TTC6: variants seen among roughly 807,000 people sequenced by gnomAD.
The protein encoded by TTC6 is tetratricopeptide repeat protein 6.
A neutral mutation model predicts 210.4 loss-of-function variants in TTC6; 172 were observed. The observed-to-expected ratio is 0.82, with a 90% CI of 0.72 to 0.93. The LOEUF (loss-of-function observed/expected upper bound fraction) is 0.93. TTC6 is among the 40% of genes least tolerant of loss of function. The pLI, the probability that TTC6 is intolerant of heterozygous loss-of-function variation, is 0.00. For missense variants in TTC6, 2,414 were observed against 2,318.1 expected (o/e 1.04, Z -0.85); for synonymous variants, 804 against 819.6 (o/e 0.98, Z 0.32).
chr14:37,780,170 A>G (rs2096050281), intron 14 of TTC6, among the ~76,000 whole-genome samples: 2 of 152,270 alleles, frequency 1.3e-5, no homozygotes, highest in Admixed American at 1.3e-4. Flanking sequence ...ATTTTTTAGC[A>G]GTGAATACTA....
At chr14:37,632,391 T>A (rs1241440231) in intron 1 of TTC6, among the ~76,000 whole-genome samples, 1 of 152,218 alleles carries the variant, frequency 6.6e-6, no homozygotes, top group African/African-American at 2.4e-5. Flanking sequence ...GCAGGTCTGC[T>A]GGAGTTTGCT....
At chr14:37,664,989 CA>C (rs2095744993) in intron 1 of TTC6, among the ~76,000 whole-genome samples, 1 of 150,318 alleles carries the variant, frequency 6.7e-6, no homozygotes, top group Admixed American at 6.6e-5. Context: ...ATTAAAAAGT[CA>C]AAAAACAACA....
chr14:37,727,579 C>T (rs889471379), intron 7 of TTC6, among the ~76,000 whole-genome samples: 4 of 151,918 alleles, frequency 2.6e-5, no homozygotes, highest in Non-Finnish European at 5.9e-5. Flanking sequence ...AGGTGTGAGC[C>T]ACCACGCCCA....
chr14:37,624,142 A>G (rs1167457556), intron 1 of TTC6, among the ~76,000 whole-genome samples: 1 of 152,240 alleles, frequency 6.6e-6, no homozygotes, highest in African/African-American at 2.4e-5. Flanking sequence ...AAAAACAGGT[A>G]TGAACAAGAG....
chr14:37,657,863 G>C (rs1278420569), intron 1 of TTC6, among the ~76,000 whole-genome samples: 1 of 152,014 alleles, frequency 6.6e-6, no homozygotes, highest in Non-Finnish European at 1.5e-5. Context: ...GATTTTTTTT[G>C]TATGTACCAA....
exon 10 of TTC6, chr14:37,738,789 C>T (rs1439165738): frequency 6.7e-7 from 1 of 1,499,012 alleles, no homozygotes; most frequent in African/African-American, 1.4e-5. Context: ...GTAAAATCTT[C>T]TGTAGACTTG....
At chr14:37,635,981 CAAAAAAAAAA>C (rs71433909) in intron 1 of TTC6, among the ~76,000 whole-genome samples, 3 of 70,356 alleles carry the variant, frequency 4.3e-5, no homozygotes, top group Non-Finnish European at 7.6e-5. Context: ...ATTCCATTTC[CAAAAAAAAAA>C]AAAAAAAAAG....
chr14:37,600,735 A>G (rs959482574), intron 1 of TTC6, among the ~76,000 whole-genome samples: 1 of 152,164 alleles, frequency 6.6e-6, no homozygotes, highest in Non-Finnish European at 1.5e-5. Flanking sequence ...TGGACTGCTG[A>G]CTAATTTACT....
Position 37,842,141 on chromosome 14 carries a change from T to G in TTC6, c.5525-14T>G. On this transcript the variant is annotated splice_polypyrimidine_tract_variant and intron_variant, in intron 30 of 30. Transcript: ENST00000553443. ...TGCCAACTTAAATATATCTTGATTT[T>G]TTTTCTTTTGCAGCCCTGTCTTTGA... 1 of 1,501,286 alleles carries G rather than the reference T, an allele frequency of 6.7e-7. No individual in the cohort carries two copies. The highest frequency in any genetic ancestry group is 8.9e-7 in the Non-Finnish European group (1 of 1,128,234). The allele number at this position is 1,501,286 out of a possible 1,614,324, so 93.0% of individuals were successfully genotyped here. A position where few individuals can be genotyped will look rare whatever the true frequency, so the allele number is the denominator to read the frequency against.
intron 4 of TTC6, among the ~76,000 whole-genome samples, chr14:37,701,090 T>C (rs2095824424): frequency 6.6e-6 from 1 of 152,136 alleles, no homozygotes; most frequent in African/African-American, 2.4e-5. Flanking sequence ...GCCTGTAGAC[T>C]GTTGTCTGTA....
At chr14:37,666,836 A>G (rs928725312) in intron 1 of TTC6, among the ~76,000 whole-genome samples, 16 of 150,120 alleles carry the variant, frequency 1.1e-4, no homozygotes, top group Admixed American at 8.6e-4. Context: ...GGGACCAGGG[A>G]TGCATTTTGA....
chr14:37,637,414 A>G (rs2095683097), intron 1 of TTC6, among the ~76,000 whole-genome samples: 1 of 152,206 alleles, frequency 6.6e-6, no homozygotes, highest in African/African-American at 2.4e-5. Context: ...CCACACATTC[A>G]GTAAAGGACT....
At chr14:37,738,589 G>A (rs1285639888) in intron 9 of TTC6, among the ~76,000 whole-genome samples, 187 bp from the exon 12 acceptor site, 2 of 152,014 alleles carry the variant, frequency 1.3e-5, no homozygotes, top group Admixed American at 1.3e-4. Flanking sequence ...ATTGTACTTT[G>A]CTTGAACTAA....
At chr14:37,758,435 T>C (rs941868066) in intron 14 of TTC6, among the ~76,000 whole-genome samples, 12 of 152,226 alleles carry the variant, frequency 7.9e-5, no homozygotes, top group African/African-American at 2.9e-4. Flanking sequence ...TTTACCATTA[T>C]GTAACGGCCT....
At chr14:37,745,532 A>T (rs1230112770) in intron 10 of TTC6, among the ~76,000 whole-genome samples, 1 of 152,142 alleles carries the variant, frequency 6.6e-6, no homozygotes, top group African/African-American at 2.4e-5. Flanking sequence ...TGTACAGTTT[A>T]TTCCGTTATT....
At position 37,789,209 on chromosome 14, in the gene TTC6, C is replaced by G. The variant is rs548198226; in HGVS notation, c.3437-1508C>G. On this transcript the variant is annotated intron_variant, in intron 15 of 30. Coordinates refer to ENST00000553443, the Ensembl canonical transcript of TTC6. ...ACTTGCAAAGTGCTGTTTAAAGTGC[C>G]AAATAAGAAGTGTCTCAATATTCAG... Among the ~76,000 whole-genome samples, 13 of 152,164 alleles carry G rather than the reference C, an allele frequency of 8.5e-5. No homozygotes were observed. The South Asian group carries it at 1.7e-3, about 19-fold the overall frequency.
intron 14 of TTC6, among the ~76,000 whole-genome samples, chr14:37,785,827 T>C (rs1297439897): frequency 6.6e-6 from 1 of 152,194 alleles, no homozygotes; most frequent in Non-Finnish European, 1.5e-5. Flanking sequence ...TTTCTGTTTG[T>C]TAGTTTTCCT....
In TTC6 at chr14:37,701,616, T is replaced by G. The variant is rs1479149948; in HGVS notation, c.1571+90T>G. ...TGAGTTCTAGATTTTAAAGACTTGA[T>G]TCTGTTCTTGGACACTAAAGAGGAG... On this transcript the variant is annotated intron_variant, in intron 5 of 30. Transcript: ENST00000553443. 5 of 1,234,702 alleles carry G rather than the reference T, an allele frequency of 4.0e-6. No homozygotes were observed. In the African/African-American group the frequency reaches 7.7e-5, roughly 19 times the overall value. 76.5% of individuals were successfully genotyped at this position (1,234,702 alleles called of 1,614,324 possible).
At chr14:37,816,029 T>C (rs150005787) in intron 25 of TTC6, among the ~76,000 whole-genome samples, 1 of 144,240 alleles carries the variant, frequency 6.9e-6, no homozygotes. Context: ...TCACTTACAC[T>C]TGTAAGTTTG....
Sources: allele counts gnomAD v4.1 joint callset (sites outside exome capture counted in the v4.1 genomes callset), GRCh38; gene constraint gnomAD v4.1.1; transcripts MANE v1.5; gene names NCBI Gene and HGNC (gene_info 2026-07-23, HGNC 2026-07-21).